RSPO2: variants seen among roughly 807,000 people sequenced by gnomAD.
RSPO2 encodes the protein R-spondin 2.
In RSPO2, 14 loss-of-function variants were observed where a neutral mutation model predicts 30.9. That is an observed-to-expected ratio of 0.45 (90% CI 0.30 to 0.71). The LOEUF is 0.71. Ranked by LOEUF, RSPO2 falls within the 30% of genes least tolerant of loss-of-function variation. The pLI, the probability that RSPO2 is intolerant of heterozygous loss-of-function variation, is 0.08. For synonymous variants in RSPO2, 107 were observed against 96.4 expected, an observed-to-expected ratio of 1.11 and a Z score of -0.64; for missense variants, 264 against 301.9, an observed-to-expected ratio of 0.87 and a Z score of 0.93.
intron 2 of RSPO2, among the ~76,000 whole-genome samples, chr8:107,994,427 A>G (rs544848819): frequency 6.6e-6 from 1 of 152,162 alleles, no homozygotes; most frequent in Non-Finnish European, 1.5e-5. Context: ...CTGATGGGAC[A>G]TGGTGGGAGA....
chr8:107,934,857 T>A (rs1408027346), intron 5 of RSPO2, among the ~76,000 whole-genome samples: 1 of 152,204 alleles, frequency 6.6e-6, no homozygotes, highest in Non-Finnish European at 1.5e-5. Context: ...ATTTATCACT[T>A]CCCCAATCAA....
At chr8:108,042,035 G>A (rs1400370563) in intron 2 of RSPO2, among the ~76,000 whole-genome samples, 1 of 152,134 alleles carries the variant, frequency 6.6e-6, no homozygotes, top group South Asian at 2.1e-4. Flanking sequence ...CAAAGAACAA[G>A]TGCATCTAAG....
intron 5 of RSPO2, among the ~76,000 whole-genome samples, chr8:107,905,275 T>C (rs924231529): frequency 1.3e-5 from 2 of 152,132 alleles, no homozygotes; most frequent in African/African-American, 4.8e-5. Context: ...TCCATAATGC[T>C]GTGTGTTTTA....
chr8:108,005,432 G>A (rs1815420681), intron 2 of RSPO2, among the ~76,000 whole-genome samples: 1 of 152,074 alleles, frequency 6.6e-6, no homozygotes, highest in Non-Finnish European at 1.5e-5. Flanking sequence ...TTACTGTCAG[G>A]TTGTCGAAGG....
intron 2 of RSPO2, among the ~76,000 whole-genome samples, chr8:108,040,257 T>G (rs1811712286): frequency 6.6e-6 from 1 of 152,096 alleles, no homozygotes; most frequent in Non-Finnish European, 1.5e-5. Context: ...TAAACAGGCA[T>G]TAAAATAGCT....
At chr8:108,054,615 G>C (rs1812185468) in intron 2 of RSPO2, among the ~76,000 whole-genome samples, 4 of 152,156 alleles carry the variant, frequency 2.6e-5, no homozygotes, top group Admixed American at 2.6e-4. Flanking sequence ...TCTGCCACAG[G>C]AACAAAGAAA....
At chr8:107,960,397 T>C (rs1813587226) in intron 4 of RSPO2, among the ~76,000 whole-genome samples, 1 of 152,054 alleles carries the variant, frequency 6.6e-6, no homozygotes, top group Non-Finnish European at 1.5e-5. Context: ...TAATAATCTA[T>C]TAAGAAATTG....
At chr8:107,911,517 T>C (rs1330535683) in intron 5 of RSPO2, among the ~76,000 whole-genome samples, 1 of 152,146 alleles carries the variant, frequency 6.6e-6, no homozygotes, top group Non-Finnish European at 1.5e-5. Context: ...TCTAAACTGG[T>C]AGTAACAATG....
intron 3 of RSPO2, among the ~76,000 whole-genome samples, chr8:107,977,934 A>G (rs1158511321): frequency 6.6e-6 from 1 of 152,006 alleles, no homozygotes; most frequent in Non-Finnish European, 1.5e-5. Flanking sequence ...CTAGATCCTA[A>G]CTGGCTTTTA....
At chr8:107,961,810 T>C (rs550239238) in intron 3 of RSPO2, among the ~76,000 whole-genome samples, 4 of 152,286 alleles carry the variant, frequency 2.6e-5, no homozygotes, top group African/African-American at 7.2e-5. Context: ...ATTAGAAACA[T>C]GTATTTTTCC....
At chr8:107,978,451 G>A (rs1439846387) in intron 3 of RSPO2, among the ~76,000 whole-genome samples, 1 of 152,086 alleles carries the variant, frequency 6.6e-6, no homozygotes, top group Admixed American at 6.5e-5. Flanking sequence ...TTTAATAAAT[G>A]GTTGCTGGGA....
chr8:107,956,651 G>A (rs1813443783), intron 5 of RSPO2, among the ~76,000 whole-genome samples: 1 of 152,150 alleles, frequency 6.6e-6, no homozygotes, highest in Admixed American at 6.6e-5. Flanking sequence ...TTTGTTATAG[G>A]AGCATTTTCA....
intron 5 of RSPO2, among the ~76,000 whole-genome samples, chr8:107,923,637 T>G (rs900401632): frequency 3.9e-5 from 6 of 152,198 alleles, no homozygotes; most frequent in African/African-American, 1.4e-4. Context: ...GTTGCAGCAC[T>G]ATTCACAACA....
intron 2 of RSPO2, among the ~76,000 whole-genome samples, chr8:108,016,930 C>T (rs552404448): frequency 1.4e-4 from 21 of 152,154 alleles, no homozygotes; most frequent in Admixed American, 1.2e-3. Context: ...ACCATGCTTC[C>T]CATAAATCCT....
rs1563741164 is a variant in RSPO2 at position 107,901,124 on chromosome 8, GC to G, written c.682del (p.Ala228ProfsTer9). 6.2e-7 allele frequency: 1 copy of G among 1,614,068 alleles called. No individual in the cohort carries two copies. Among genetic ancestry groups the G allele is most frequent in the Non-Finnish European group, 8.5e-7 (1 of 1,179,978 alleles). On this transcript the variant is annotated frameshift_variant, in exon 6 of 6. Coordinates refer to ENST00000276659, the MANE Select transcript of RSPO2 (RefSeq NM_178565.5). LOFTEE classifies it high-confidence loss of function. ...TAGGAAGACGCTGTGTTGCTCCTGG[GC>G]CCTTTCTATCAGCTTCCTTTTCTTT... is the stretch of plus-strand genomic sequence containing the variant. ...KKKKRKLIER[A>X]QEQHSVFLAT... is the part of the protein sequence containing the mutation.
At position 107,995,512 on chromosome 8, in the gene RSPO2, G is replaced by A. The variant is rs75186464; in HGVS notation, c.95-6268C>T. Reference sequence around the variant, plus strand: ...AACAATGAACCAAACCAATGTCACCGTCACATTTCTTCAAAGTGTCAGTTA... The same window carrying A: ...AACAATGAACCAAACCAATGTCACCATCACATTTCTTCAAAGTGTCAGTTA... On this transcript the variant is annotated intron_variant, in intron 2 of 5. Transcript: ENST00000276659. Among the ~76,000 whole-genome samples, 1,193 of 152,144 alleles carry A rather than the reference G, an allele frequency of 7.8e-3. 7 individuals carry two copies. The highest frequency in any genetic ancestry group is 0.016 in the South Asian group (76 of 4,820).
intron 5 of RSPO2, among the ~76,000 whole-genome samples, chr8:107,942,565 T>C (rs960787235): frequency 2.6e-5 from 4 of 152,196 alleles, no homozygotes; most frequent in African/African-American, 4.8e-5. Context: ...ACTAAATTTC[T>C]TTGTTCATAA....
At chr8:108,061,917 A>C (rs1812480282) in intron 2 of RSPO2, among the ~76,000 whole-genome samples, 1 of 151,858 alleles carries the variant, frequency 6.6e-6, no homozygotes, top group Non-Finnish European at 1.5e-5. Context: ...AAACTCAACA[A>C]CCTGCTCCTG....
At chr8:107,912,719 G>T (rs1264074787) in intron 5 of RSPO2, among the ~76,000 whole-genome samples, 1 of 152,150 alleles carries the variant, frequency 6.6e-6, no homozygotes, top group African/African-American at 2.4e-5. Context: ...GCCTAACTAA[G>T]GGATGCAGAG....
Sources: gnomAD v4.1 joint callset for allele counts (sites outside exome capture counted in the v4.1 genomes callset) on GRCh38, gnomAD v4.1.1 for gene constraint, MANE v1.5 for transcripts, NCBI Gene and HGNC (gene_info 2026-07-23, HGNC 2026-07-21) for gene names.